WWC1: variants seen among roughly 807,000 people sequenced by gnomAD.
WWC1 encodes protein KIBRA.
WWC1 carries 55 observed loss-of-function variants against 138.4 expected under a neutral mutation model. The observed-to-expected ratio is 0.40, with a 90% CI of 0.32 to 0.50. The LOEUF is 0.50. Ranked by LOEUF, WWC1 falls within the 20% of genes least tolerant of loss-of-function variation. The pLI, the probability that WWC1 is intolerant of heterozygous loss-of-function variation, is 0.72. For missense variants in WWC1, 1,226 were observed against 1,420.4 expected (o/e 0.86, Z 2.20); for synonymous variants, 524 against 564.9 (o/e 0.93, Z 1.03).
At position 168,429,256 on chromosome 5, in the gene WWC1, A is replaced by ATTTTT. The variant is rs67280988; in HGVS notation, c.2000+486_2000+490dup. ...TTTGTTGGGGGATGATATGATCTCA[A>ATTTTT]TTTTTTTTTTTTTTTTTTTTTGAGA... is the stretch of plus-strand genomic sequence containing the variant. On this transcript the variant is annotated intron_variant, in intron 13 of 22. Transcript: ENST00000265293. Among the ~76,000 whole-genome samples, 97 of 116,376 alleles carry ATTTTT rather than the reference A, an allele frequency of 8.3e-4. 2 individuals are homozygous for ATTTTT. The highest frequency in any genetic ancestry group is 1.3e-3 in the African/African-American group (36 of 27,900). The allele number at this position is 116,376 out of a possible 152,430, so 76.3% of individuals were successfully genotyped here. A position where few individuals can be genotyped will look rare whatever the true frequency, so the allele number is the denominator to read the frequency against.
At chr5:168,397,665 C>A in intron 3 of WWC1, 59 bp from the exon 4 acceptor site, 1 of 1,593,458 alleles carries the variant, frequency 6.3e-7, no homozygotes, top group South Asian at 1.1e-5. Flanking sequence ...GCCAATAAGC[C>A]AACTTTGCTG....
chr5:168,317,426 G>C (rs531718603), intron 1 of WWC1, among the ~76,000 whole-genome samples: 1 of 152,284 alleles, frequency 6.6e-6, no homozygotes, highest in East Asian at 1.9e-4. Context: ...AGATCCCACA[G>C]ATCCTGCTCT....
Position 168,335,231 on chromosome 5 carries a change from G to A in WWC1, c.120-36193G>A, listed in dbSNP as rs548262638. 3.9e-5 allele frequency among the ~76,000 whole-genome samples: 6 copies of A among 152,308 alleles called. No homozygotes were observed. In the East Asian group the frequency reaches 1.2e-3, roughly 29 times the overall value. ...TCTCGGCATTGCACACCCTAGAGGAGTTGAAGTTCCTGGTGGGTACTTCTT... is the reference window on the plus strand; with the variant it reads ...TCTCGGCATTGCACACCCTAGAGGAATTGAAGTTCCTGGTGGGTACTTCTT... On this transcript the variant is annotated intron_variant, in intron 1 of 22. Coordinates refer to ENST00000265293, the MANE Select transcript of WWC1 (RefSeq NM_015238.3).
chr5:168,412,656 G>A (rs939574928), intron 8 of WWC1, among the ~76,000 whole-genome samples: 1 of 152,082 alleles, frequency 6.6e-6, no homozygotes, highest in Non-Finnish European at 1.5e-5. Flanking sequence ...ACTAACTACA[G>A]TCAGTCCTCT....
intron 1 of WWC1, among the ~76,000 whole-genome samples, chr5:168,359,882 C>T (rs950968107): frequency 1.3e-5 from 2 of 152,256 alleles, no homozygotes; most frequent in African/African-American, 4.8e-5. Flanking sequence ...GTTAGTCATA[C>T]AGCCTTGTTA....
intron 5 of WWC1, among the ~76,000 whole-genome samples, chr5:168,403,012 T>C (rs552694502): frequency 0.016 from 1,033 of 64,706 alleles, 9 homozygotes; most frequent in South Asian, 0.048. Flanking sequence ...TTCTTTTTCT[T>C]TCTTTCTTTC....
At chr5:168,324,642 A>C (rs944790132) in intron 1 of WWC1, among the ~76,000 whole-genome samples, 5 of 152,218 alleles carry the variant, frequency 3.3e-5, no homozygotes, top group Non-Finnish European at 7.3e-5. Context: ...AACAAGAAAC[A>C]GGTAAGACAA....
rs1253662591 is a variant in WWC1, at chr5:168,441,841, T to C, written c.2433+7T>C. Reference sequence around the variant, plus strand: ...CTCAGGGCCTGCCAGCACGGTGAGCTGGGACCAGGTGTGCCACCTTCCCAC... The same window carrying C: ...CTCAGGGCCTGCCAGCACGGTGAGCCGGGACCAGGTGTGCCACCTTCCCAC... On this transcript the variant is annotated splice_region_variant and intron_variant, in intron 16 of 22. Transcript: ENST00000265293. The C allele has an allele frequency of 6.2e-7, 1 of 1,611,874 alleles. No homozygotes were observed. Among genetic ancestry groups the C allele is most frequent in the Admixed American group, 1.7e-5 (1 of 59,876 alleles).
At position 168,399,527 on chromosome 5, in the gene WWC1, G is replaced by C; in HGVS notation, c.550G>C (p.Glu184Gln). The C allele has an allele frequency of 6.2e-7, 1 of 1,614,122 alleles. No homozygotes were observed. ...LKREMVHLQHELQFKERGFQT... is the reference protein window; with the variant it reads ...LKREMVHLQHQLQFKERGFQT... ...GAGAGAGATGGTTCACCTCCAGCAC[G>C]AGCTGCAGTTCAAAGAGCGTGGCTT... Residue 184 changes from glutamate (E) to glutamine (Q), a missense_variant, in exon 5 of 23, where the codon GAG becomes CAG. Coordinates refer to ENST00000265293, the MANE Select transcript of WWC1 (RefSeq NM_015238.3).
chr5:168,312,061 TACAA>T (rs1478197748), intron 1 of WWC1, among the ~76,000 whole-genome samples: 14 of 142,994 alleles, frequency 9.8e-5, no homozygotes, highest in Non-Finnish European at 2.0e-4. Context: ...AAAAAAAAAA[TACAA>T]AAATTAGCCA....
At chr5:168,414,664 A>G in intron 9 of WWC1, 74 bp downstream of exon 9, 1 of 1,468,810 alleles carries the variant, frequency 6.8e-7, no homozygotes, top group Non-Finnish European at 9.0e-7. Flanking sequence ...AGATGGGGGA[A>G]GAATGAGGGG....
At chr5:168,373,546 A>G (rs2337134) in intron 2 of WWC1, among the ~76,000 whole-genome samples, 3,946 of 152,044 alleles carry the variant, frequency 0.026, 171 homozygotes, top group African/African-American at 0.091. Context: ...CACTTGGACC[A>G]GTTCTGTGTG....
At position 168,321,091 on chromosome 5, in the gene WWC1, G is replaced by A. The variant is rs147578786; in HGVS notation, c.119+28820G>A. ...CCTGCATAACTGTCCTCAGGCCTGCGTCCCCTGAGTCTCAGCACTTGGGCC... is the reference window on the plus strand; with the variant it reads ...CCTGCATAACTGTCCTCAGGCCTGCATCCCCTGAGTCTCAGCACTTGGGCC... On this transcript the variant is annotated intron_variant, in intron 1 of 22. Coordinates refer to ENST00000265293, the MANE Select transcript of WWC1 (RefSeq NM_015238.3). Among the ~76,000 whole-genome samples, 390 of 152,196 alleles carry A rather than the reference G, an allele frequency of 2.6e-3. 2 individuals are homozygous for A. The highest frequency in any genetic ancestry group is 8.8e-3 in the African/African-American group (366 of 41,508).
intron 1 of WWC1, among the ~76,000 whole-genome samples, chr5:168,339,980 T>C: frequency 9.4e-6 from 1 of 106,420 alleles, no homozygotes; most frequent in East Asian, 2.2e-4. Flanking sequence ...TCTCTCTTTC[T>C]CTCTTTCTCT....
chr5:168,422,149 G>T, intron 10 of WWC1, 52 bp downstream of exon 10: 1 of 1,539,256 alleles, frequency 6.5e-7, no homozygotes, highest in Non-Finnish European at 9.0e-7. Flanking sequence ...CCAGACATGG[G>T]TGTCCCCAGT....
At position 168,339,917 on chromosome 5, in the gene WWC1, C is replaced by CTCTCTT. The variant is rs1554093900; in HGVS notation, c.120-31502_120-31501insTTCTCT. Among the ~76,000 whole-genome samples the CTCTCTT allele has an allele frequency of 7.4e-5, 10 of 135,404 alleles. No individual in the cohort carries two copies. The South Asian group carries it at 9.7e-4, about 13-fold the overall frequency. The allele number at this position is 135,404 out of a possible 152,430, so 88.8% of individuals were successfully genotyped here. ...TCTGTCTCTCTCTCTTTCTCTCTCT[C>CTCTCTT]TCTCTCTTTCTCTCTTTCTCTCTCT... On this transcript the variant is annotated intron_variant, in intron 1 of 22. Coordinates refer to ENST00000265293, the MANE Select transcript of WWC1 (RefSeq NM_015238.3).
chr5:168,299,540 G>A (rs1769871597), intron 1 of WWC1, among the ~76,000 whole-genome samples: 1 of 152,226 alleles, frequency 6.6e-6, no homozygotes, highest in African/African-American at 2.4e-5. Context: ...CCAACAGCCA[G>A]GGAATGAGTA....
intron 1 of WWC1, among the ~76,000 whole-genome samples, chr5:168,368,203 G>T (rs1187333577): frequency 6.7e-6 from 1 of 149,330 alleles, no homozygotes; most frequent in African/African-American, 2.5e-5. Flanking sequence ...TGCTTCTCCT[G>T]CCTCTGCCTC....
intron 1 of WWC1, among the ~76,000 whole-genome samples, chr5:168,355,220 G>T (rs566628568): frequency 1.8e-4 from 28 of 152,284 alleles, no homozygotes; most frequent in Middle Eastern, 3.4e-3. Context: ...CAGGCTGGGC[G>T]TGGTGGCTCA....
Sources: gnomAD v4.1 joint callset for allele counts (sites outside exome capture counted in the v4.1 genomes callset) on GRCh38, gnomAD v4.1.1 for gene constraint, MANE v1.5 for transcripts, NCBI Gene and HGNC (gene_info 2026-07-23, HGNC 2026-07-21) for gene names.